HDAC5: variants seen among roughly 807,000 people sequenced by gnomAD.
HDAC5 encodes the protein antigen NY-CO-9.
A neutral mutation model predicts 133.3 loss-of-function variants in HDAC5; 25 were observed. That is an observed-to-expected ratio of 0.19 (90% confidence interval 0.14 to 0.26). The LOEUF is 0.26. Among genes scored for constraint, HDAC5 ranks in the 10% least tolerant of loss-of-function variants. The probability of loss-of-function intolerance (pLI) is 1.00; values close to 1 mark genes in which losing one functional copy is unlikely to be tolerated. For missense variants in HDAC5, 1,041 were observed against 1,460.5 expected, an observed-to-expected ratio of 0.71 and a Z score of 4.68; for synonymous variants, 589 against 610.8, an observed-to-expected ratio of 0.96 and a Z score of 0.53.
chr17:44,116,803 C>G (rs1049686896), intron 2 of HDAC5, among the ~76,000 whole-genome samples: 1 of 152,080 alleles, frequency 6.6e-6, no homozygotes, highest in African/African-American at 2.4e-5. Context: ...GCCTAGAGTC[C>G]CCCAAATAGA....
chr17:44,109,883 T>C (rs968465827), intron 3 of HDAC5, among the ~76,000 whole-genome samples: 14 of 152,202 alleles, frequency 9.2e-5, no homozygotes, highest in Admixed American at 3.9e-4. Flanking sequence ...AGGAAGCATC[T>C]TGTGGTGCCG....
At chr17:44,115,652 GCA>G (rs2052602505) in intron 2 of HDAC5, among the ~76,000 whole-genome samples, 1 of 152,228 alleles carries the variant, frequency 6.6e-6, no homozygotes, top group Non-Finnish European at 1.5e-5. Flanking sequence ...GGAACACTCT[GCA>G]GGAAGGGCCT....
At chr17:44,116,488 G>C (rs1241962658) in intron 2 of HDAC5, among the ~76,000 whole-genome samples, 1 of 152,170 alleles carries the variant, frequency 6.6e-6, no homozygotes, top group Non-Finnish European at 1.5e-5. Flanking sequence ...CCCTGATGCT[G>C]CTTCTGTACA....
rs553940187 is a variant in HDAC5 at position 44,104,942 on chromosome 17, G to C, written c.94+5787C>G. 2.6e-5 allele frequency among the ~76,000 whole-genome samples: 4 copies of C among 152,266 alleles called. No individual in the cohort carries two copies. In the East Asian group the frequency reaches 5.8e-4, roughly 22 times the overall value. On this transcript the variant is annotated intron_variant, in intron 3 of 26. Transcript: ENST00000682912. ...CAGAGACCCTTAGAGTGTCAGGGAAGGAAAGGCCTGAAGACCAGCAACTCA... is the reference window on the plus strand; with the variant it reads ...CAGAGACCCTTAGAGTGTCAGGGAACGAAAGGCCTGAAGACCAGCAACTCA...
Position 44,083,625 on chromosome 17 carries a change from T to A in HDAC5, c.2383A>T (p.Met795Leu). 1 of 1,614,088 alleles carries A rather than the reference T, an allele frequency of 6.2e-7. No homozygotes were observed. The highest frequency in any genetic ancestry group is 1.1e-5 in the South Asian group (1 of 91,088). Residue 795 changes from methionine (M) to leucine (L), a missense_variant, in exon 18 of 27, where the codon ATG becomes TTG. Met to Leu is a conservative substitution (Grantham distance 15). Transcript: ENST00000682912. Reference protein sequence around the residue: ...GVDSDTVWNEMHSSSAVRMAV... With the variant: ...GVDSDTVWNELHSSSAVRMAV... Reference sequence around the variant, plus strand: ...ATGCGCACAGCACTGGAGGAGTGCATCTCATTCCACACGGTGTCACTGTCC... The same window carrying A: ...ATGCGCACAGCACTGGAGGAGTGCAACTCATTCCACACGGTGTCACTGTCC...
chr17:44,108,078 G>A (rs1378459897), intron 3 of HDAC5, among the ~76,000 whole-genome samples: 1 of 152,168 alleles, frequency 6.6e-6, no homozygotes, highest in African/African-American at 2.4e-5. Flanking sequence ...TGGGATGATG[G>A]TGGTGCCCAC....
Position 44,076,802 on chromosome 17 carries a change from G to A in HDAC5, c.*1574C>T, listed in dbSNP as rs1597914583. 6.1e-6 allele frequency: 1 copy of A among 163,764 alleles called. No individual in the cohort carries two copies. The highest frequency in any genetic ancestry group is 1.4e-5 in the Non-Finnish European group (1 of 73,908). 10.1% of individuals were successfully genotyped at this position (163,764 alleles called of 1,614,324 possible). On this transcript the variant is annotated 3_prime_UTR_variant, in exon 27 of 27. Coordinates refer to ENST00000682912, the MANE Select transcript of HDAC5 (RefSeq NM_005474.5). ...TACACAAGGACACACAGTGTAACGG[G>A]TTACAAAATACTTAACTGAAATCCA...
rs1394053541 is a variant in HDAC5 at position 44,087,481 on chromosome 17, C to T, written c.1815G>A (p.Lys605=). ...CAGCACCACTCTCGCCCTCCTCGTC[C>T]TTAACCTGGATGCAATCCTCCTCCT... ...GEEEEDCIQV[K]DEEGESGAEE... Residue 605 remains lysine, a synonymous_variant, in exon 13 of 27, where the codon AAG becomes AAA. Coordinates refer to ENST00000682912, the MANE Select transcript of HDAC5 (RefSeq NM_005474.5). The T allele has an allele frequency of 1.9e-6, 3 of 1,568,638 alleles. No homozygotes were observed. The highest frequency in any genetic ancestry group is 1.4e-5 in the African/African-American group (1 of 73,916).
At chr17:44,082,484 T>C in intron 20 of HDAC5, 101 bp downstream of exon 20, 1 of 908,586 alleles carries the variant, frequency 1.1e-6, no homozygotes, top group Admixed American at 1.9e-5. Context: ...TGAGGACGAC[T>C]GGGGTGCTTG....
intron 9 of HDAC5, 47 bp from the exon 10 acceptor site, chr17:44,091,878 G>C (rs1211345809): frequency 1.3e-6 from 2 of 1,509,356 alleles, no homozygotes; most frequent in South Asian, 2.7e-5. Flanking sequence ...ACAAAGGGGA[G>C]GCAACAAGGG....
At chr17:44,100,432 A>G (rs2051522164) in intron 3 of HDAC5, among the ~76,000 whole-genome samples, 1 of 152,010 alleles carries the variant, frequency 6.6e-6, no homozygotes, top group Admixed American at 6.6e-5. Flanking sequence ...ACCCTGCTCC[A>G]TAAAATAAAT....
intron 1 of HDAC5, among the ~76,000 whole-genome samples, chr17:44,119,628 TAA>T (rs1244132592): frequency 1.3e-5 from 2 of 152,132 alleles, no homozygotes; most frequent in African/African-American, 4.8e-5. Context: ...TGTCCACCTG[TAA>T]AGAGTGTCTG....
intron 3 of HDAC5, among the ~76,000 whole-genome samples, chr17:44,097,921 G>A (rs1394549247): frequency 6.6e-6 from 1 of 152,272 alleles, no homozygotes; most frequent in Non-Finnish European, 1.5e-5. Context: ...GTTAGGCCCG[G>A]AGCTGCAGCG....
chr17:44,108,751 C>CAAAAAAAAAAAA (rs773575696), intron 3 of HDAC5, among the ~76,000 whole-genome samples: 2 of 56,944 alleles, frequency 3.5e-5, no homozygotes, highest in African/African-American at 1.1e-4. Context: ...TTCCAGAGTC[C>CAAAAAAAAAAAA]AAAAAAAAAA....
At chr17:44,083,778 A>G in intron 17 of HDAC5, 27 bp downstream of exon 17, 3 of 826,830 alleles carry the variant, frequency 3.6e-6, no homozygotes, top group Non-Finnish European at 5.6e-6. Flanking sequence ...CCGCCCGCCC[A>G]CCCCCACTGC....
At chr17:44,086,806 AG>A in intron 13 of HDAC5, 69 bp from the exon 14 acceptor site, 1 of 1,194,738 alleles carries the variant, frequency 8.4e-7, no homozygotes, top group Non-Finnish European at 1.1e-6. Flanking sequence ...AGGCCCTGTC[AG>A]GGCCTCCAGT....
At chr17:44,106,107 G>A (rs1423788292) in intron 3 of HDAC5, among the ~76,000 whole-genome samples, 1 of 152,194 alleles carries the variant, frequency 6.6e-6, no homozygotes, top group Admixed American at 6.5e-5. Context: ...TTACAGCTGT[G>A]TGCATGGACA....
At chr17:44,091,959 G>A in intron 9 of HDAC5, 128 bp from the exon 10 acceptor site, 1 of 1,159,636 alleles carries the variant, frequency 8.6e-7, no homozygotes, top group Non-Finnish European at 1.2e-6. Flanking sequence ...CTCCCACTGA[G>A]GGAGACTGAG....
chr17:44,082,455 C>A, intron 20 of HDAC5, 130 bp downstream of exon 20: 1 of 703,062 alleles, frequency 1.4e-6, no homozygotes. Flanking sequence ...CTTCTGCACC[C>A]ACACCCAGCA....
Sources: allele counts gnomAD v4.1 joint callset (sites outside exome capture counted in the v4.1 genomes callset), GRCh38; gene constraint gnomAD v4.1.1; transcripts MANE v1.5; gene names NCBI Gene and HGNC (gene_info 2026-07-23, HGNC 2026-07-21).